Variants in TUSC3 observed in about 807,000 individuals in gnomAD.
TUSC3 encodes the protein dolichyl-diphosphooligosaccharide--protein glycosyltransferase subunit TUSC3.
Under a neutral mutation model 44.8 loss-of-function variants are expected in TUSC3, and 45 were observed. The observed-to-expected ratio is 1.00, with a 90% confidence interval of 0.79 to 1.29. The LOEUF (loss-of-function observed/expected upper bound fraction) is 1.29, where lower values mean the gene tolerates loss of function less well. Among genes scored for constraint, TUSC3 ranks in the 50% most tolerant of loss-of-function variants. The pLI, the probability that TUSC3 is intolerant of heterozygous loss-of-function variation, is 0.00. For missense variants in TUSC3, 519 were observed against 437.9 expected (o/e 1.19, Z -1.65); for synonymous variants, 212 against 152.9 (o/e 1.39, Z -2.85).
intron 2 of TUSC3, among the ~76,000 whole-genome samples, chr8:15,513,551 G>C (rs950123040): frequency 1.3e-5 from 2 of 152,096 alleles, no homozygotes; most frequent in African/African-American, 4.8e-5. Flanking sequence ...CTAAACTTAG[G>C]TCCTTTTTAG....
At chr8:15,722,734 A>G (rs1810348174) in intron 6 of TUSC3, among the ~76,000 whole-genome samples, 1 of 152,080 alleles carries the variant, frequency 6.6e-6, no homozygotes, top group Non-Finnish European at 1.5e-5. Context: ...GTTCCAATGG[A>G]AAATTTTTGT....
At chr8:15,440,681 T>G (rs1214559232) in intron 1 of TUSC3, among the ~76,000 whole-genome samples, 1 of 152,180 alleles carries the variant, frequency 6.6e-6, no homozygotes, top group Non-Finnish European at 1.5e-5. Flanking sequence ...AAAATATATT[T>G]CCATGTGCGA....
chr8:15,662,004 T>C (rs561914627), intron 4 of TUSC3, 152 bp from the exon 5 acceptor site: 6 of 807,796 alleles, frequency 7.4e-6, no homozygotes, highest in South Asian at 4.8e-5. Context: ...ATATATCTTA[T>C]GGCAGAATGA....
intron 6 of TUSC3, among the ~76,000 whole-genome samples, chr8:15,677,903 A>C (rs1808259883): frequency 6.6e-6 from 1 of 152,216 alleles, no homozygotes; most frequent in Non-Finnish European, 1.5e-5. Flanking sequence ...GCACTTTTAA[A>C]AGTTGAAAAC....
intron 1 of TUSC3, among the ~76,000 whole-genome samples, chr8:15,478,022 A>G (rs1290122053): frequency 1.3e-5 from 2 of 152,056 alleles, no homozygotes; most frequent in African/African-American, 2.4e-5. Context: ...CAGTGGCACG[A>G]TCTTGGCTCA....
intron 1 of TUSC3, 72 bp from the exon 2 acceptor site, chr8:15,623,008 A>C (rs1047629685): frequency 3.9e-5 from 56 of 1,434,640 alleles, no homozygotes; most frequent in Non-Finnish European, 5.2e-5. Flanking sequence ...AAAACATTTT[A>C]TGCATTTATA....
At chr8:15,717,790 A>G (rs1467268371) in intron 6 of TUSC3, among the ~76,000 whole-genome samples, 2 of 152,076 alleles carry the variant, frequency 1.3e-5, no homozygotes, top group East Asian at 1.9e-4. Context: ...GCTGAATCCT[A>G]TAGCACCTCT....
intron 6 of TUSC3, among the ~76,000 whole-genome samples, chr8:15,729,453 A>G (rs190352721): frequency 1.3e-5 from 2 of 152,266 alleles, no homozygotes; most frequent in African/African-American, 4.8e-5. Flanking sequence ...GACAGGTAAT[A>G]ACTACTTTAT....
Position 15,520,040 on chromosome 8 carries a change from T to C in TUSC3, n.189+36557T>C, listed in dbSNP as rs1481548409. Among the ~76,000 whole-genome samples, 5 of 152,324 alleles carry C rather than the reference T, an allele frequency of 3.3e-5. No individual in the cohort carries two copies. In the East Asian group the frequency reaches 7.7e-4, roughly 24 times the overall value. The stretch of plus-strand genomic sequence containing the variant: ...CTGATGTTGTCCTTGGAGCCCCCAG[T>C]GTGTACCTAATAAGATTCAGACTCT... On this transcript the variant is annotated intron_variant and non_coding_transcript_variant, in intron 2 of 5. Coordinates refer to the TUSC3 transcript ENST00000503191.
chr8:15,662,560 T>C lies in TUSC3; in HGVS notation c.708+264T>C, dbSNP rs1356519500. On this transcript the variant is annotated intron_variant, in intron 5 of 10. Transcript: ENST00000503731. The stretch of plus-strand genomic sequence containing the variant: ...TACATGTTGAATACATCTAGAAATA[T>C]GGTAAGACTTGATCAGAATTAATAG... 2.0e-5 allele frequency among the ~76,000 whole-genome samples: 3 copies of C among 152,022 alleles called. No homozygotes were observed. In the South Asian group the frequency reaches 6.2e-4, roughly 31 times the overall value.
At chr8:15,433,094 A>G (rs1264598142) in intron 1 of TUSC3, among the ~76,000 whole-genome samples, 1 of 152,040 alleles carries the variant, frequency 6.6e-6, no homozygotes, top group Non-Finnish European at 1.5e-5. Context: ...AACAAATTTT[A>G]CTCTGTCCCT....
At chr8:15,470,607 A>C (rs895519961) in intron 1 of TUSC3, among the ~76,000 whole-genome samples, 1 of 152,210 alleles carries the variant, frequency 6.6e-6, no homozygotes, top group African/African-American at 2.4e-5. Flanking sequence ...ACCATGAAGA[A>C]TAAAGTGTAT....
At chr8:15,750,621 A>G (rs1328299416) in intron 9 of TUSC3, among the ~76,000 whole-genome samples, 5 of 152,034 alleles carry the variant, frequency 3.3e-5, no homozygotes, top group Admixed American at 3.3e-4. Context: ...GAGGCTGGAC[A>G]TAGAAACTAC....
At chr8:15,669,309 C>G (rs1049990040) in intron 5 of TUSC3, among the ~76,000 whole-genome samples, 1 of 151,770 alleles carries the variant, frequency 6.6e-6, no homozygotes, top group Non-Finnish European at 1.5e-5. Context: ...ATGACTAACT[C>G]TTCTAAACAA....
chr8:15,807,250 C>T, the TUSC3 span: 1 of 634,124 alleles, frequency 1.6e-6, no homozygotes, highest in Non-Finnish European at 2.9e-6. Context: ...GCATTATGCT[C>T]TTCCATCTTT....
chr8:15,638,983 G>GT (rs1012844254), intron 2 of TUSC3, among the ~76,000 whole-genome samples: 11 of 147,704 alleles, frequency 7.4e-5, no homozygotes, highest in Non-Finnish European at 1.5e-4. Flanking sequence ...GCTAGATCAC[G>GT]TGATGTTCAA....
rs1799858733 is a variant in TUSC3, at chr8:15,430,479, CAAAAT to C, written n.91+13177_91+13181del. Among the ~76,000 whole-genome samples, 2 of 150,368 alleles carry C rather than the reference CAAAAT, an allele frequency of 1.3e-5. 1 individual carries two copies. Among genetic ancestry groups the C allele is most frequent in the Non-Finnish European group, 2.9e-5 (2 of 67,838 alleles). On this transcript the variant is annotated intron_variant and non_coding_transcript_variant, in intron 1 of 5. Transcript: ENST00000503191. ...AATTAAGTATTGATGGGATGTATCTCAAAATAATAAGAGCTGTCTATGACAGACCC... is the reference window on the plus strand; with the variant it reads ...AATTAAGTATTGATGGGATGTATCTCAATAAGAGCTGTCTATGACAGACCC...
chr8:15,611,313 A>G (rs938169272), intron 1 of TUSC3, among the ~76,000 whole-genome samples: 1 of 152,018 alleles, frequency 6.6e-6, no homozygotes, highest in African/African-American at 2.4e-5. Flanking sequence ...CAGCCTCCCA[A>G]GTAGCTGAGA....
intron 1 of TUSC3, among the ~76,000 whole-genome samples, chr8:15,616,647 G>C (rs983441237): frequency 2.6e-5 from 4 of 152,130 alleles, no homozygotes; most frequent in Non-Finnish European, 5.9e-5. Flanking sequence ...AGCTCAATTG[G>C]AAATATTTTT....
Sources: gnomAD v4.1 joint callset for allele counts (sites outside exome capture counted in the v4.1 genomes callset) on GRCh38, gnomAD v4.1.1 for gene constraint, MANE v1.5 for transcripts, NCBI Gene and HGNC (gene_info 2026-07-23, HGNC 2026-07-21) for gene names.